Variants in PSD3 observed in about 807,000 individuals in gnomAD.
PSD3 encodes the protein pleckstrin and Sec7 domain containing 3.
Under a neutral mutation model 105.5 loss-of-function variants are expected in PSD3, and 49 were observed. The ratio of observed to expected loss-of-function variants is 0.46; its 90% CI spans 0.37 to 0.59. The LOEUF (loss-of-function observed/expected upper bound fraction) is 0.59. Among genes scored for constraint, PSD3 ranks in the 20% least tolerant of loss-of-function variants. PSD3 has a pLI of 0.00. For missense variants in PSD3, 1,561 were observed against 1,263.8 expected, an observed-to-expected ratio of 1.24 and a Z score of -3.57; for synonymous variants, 557 against 457.8, an observed-to-expected ratio of 1.22 and a Z score of -2.77.
intron 10 of PSD3, among the ~76,000 whole-genome samples, chr8:18,650,124 G>A (rs986400266): frequency 1.3e-5 from 2 of 152,244 alleles, no homozygotes; most frequent in Admixed American, 1.3e-4. Flanking sequence ...GGATGAAAGA[G>A]AGGAACATTA....
At chr8:18,818,589 A>G (rs1316081109) in intron 4 of PSD3, among the ~76,000 whole-genome samples, 1 of 152,118 alleles carries the variant, frequency 6.6e-6, no homozygotes, top group Non-Finnish European at 1.5e-5. Context: ...AGATTCAGTT[A>G]TTGGGCACAA....
intron 8 of PSD3, chr8:18,799,002 A>G: frequency 3.3e-6 from 1 of 306,284 alleles, no homozygotes. Flanking sequence ...CAACCAGAAA[A>G]CAAAAATAAG....
intron 1 of PSD3, among the ~76,000 whole-genome samples, chr8:19,040,426 G>A (rs943101603): frequency 3.3e-5 from 5 of 152,002 alleles, no homozygotes; most frequent in Non-Finnish European, 5.9e-5. Context: ...GGCTGGTCTC[G>A]AACTCCTGCG....
At chr8:19,003,334 G>A (rs1022077914) in intron 1 of PSD3, among the ~76,000 whole-genome samples, 4 of 151,748 alleles carry the variant, frequency 2.6e-5, no homozygotes, top group Non-Finnish European at 5.9e-5. Context: ...TGGCGCCTGG[G>A]AGTAGTCACT....
At chr8:18,750,585 T>C (rs977332784) in intron 9 of PSD3, among the ~76,000 whole-genome samples, 1 of 151,770 alleles carries the variant, frequency 6.6e-6, no homozygotes, top group African/African-American at 2.4e-5. Flanking sequence ...GGGACCCGAG[T>C]GGGTTGCCAC....
intron 1 of PSD3, among the ~76,000 whole-genome samples, chr8:18,966,202 A>G (rs903113544): frequency 1.3e-5 from 2 of 152,170 alleles, no homozygotes; most frequent in Non-Finnish European, 2.9e-5. Context: ...GCAGCTGTAT[A>G]CCACATACAT....
chr8:18,575,323 C>A, intron 12 of PSD3, 38 bp from the exon 13 acceptor site: 7 of 1,492,590 alleles, frequency 4.7e-6, no homozygotes, highest in South Asian at 4.2e-5. Context: ...GCAAAAATCA[C>A]GATCAGATTT....
chr8:18,863,752 C>G (rs529988690), intron 4 of PSD3, among the ~76,000 whole-genome samples: 1 of 151,768 alleles, frequency 6.6e-6, no homozygotes, highest in Non-Finnish European at 1.5e-5. Context: ...CAAATAGACA[C>G]GCACTCAAAA....
At chr8:19,031,656 T>C (rs1442881746) in intron 1 of PSD3, among the ~76,000 whole-genome samples, 1 of 152,118 alleles carries the variant, frequency 6.6e-6, no homozygotes, top group Admixed American at 6.6e-5. Flanking sequence ...AGGATGCAAA[T>C]CCATTAACAA....
intron 2 of PSD3, among the ~76,000 whole-genome samples, chr8:18,874,701 T>TTA (rs1408865407): frequency 1.9e-4 from 11 of 58,758 alleles, no homozygotes; most frequent in African/African-American, 9.8e-4. Context: ...AGACTCCATC[T>TTA]CAAAAAAAAA....
chr8:18,642,493 G>C lies in PSD3; in HGVS notation c.2217-9687C>G, dbSNP rs570285922. ...TTCCTCATCAAACATCAAGCACTTA[G>C]CAATTGATATAGAGGATATAAGATT... On this transcript the variant is annotated intron_variant, in intron 10 of 15. Transcript: ENST00000327040. Among the ~76,000 whole-genome samples the C allele has an allele frequency of 2.6e-5, 4 of 152,046 alleles. No homozygotes were observed. The South Asian group carries it at 6.2e-4, about 24-fold the overall frequency.
intron 12 of PSD3, among the ~76,000 whole-genome samples, chr8:18,592,951 A>G (rs1234919942): frequency 6.6e-6 from 1 of 152,200 alleles, no homozygotes. Flanking sequence ...TCCCTTCCTT[A>G]CACCTTATAC....
At chr8:18,653,235 C>G (rs1353942450) in intron 10 of PSD3, among the ~76,000 whole-genome samples, 1 of 152,054 alleles carries the variant, frequency 6.6e-6, no homozygotes, top group Non-Finnish European at 1.5e-5. Context: ...ATCATTTCAT[C>G]CAATTCCTTC....
intron 4 of PSD3, among the ~76,000 whole-genome samples, chr8:18,827,956 T>C (rs1375198426): frequency 1.4e-5 from 2 of 148,144 alleles, no homozygotes; most frequent in African/African-American, 2.5e-5. Context: ...CAAAAGCTAG[T>C]ATTTCACAAC....
intron 1 of PSD3, among the ~76,000 whole-genome samples, chr8:19,067,856 G>T (rs1396372129): frequency 3.9e-5 from 6 of 152,322 alleles, no homozygotes; most frequent in African/African-American, 1.2e-4. Flanking sequence ...TTGGAGGAAT[G>T]TTCCTGGCAT....
intron 12 of PSD3, among the ~76,000 whole-genome samples, chr8:18,594,088 C>A (rs28731379): frequency 0.74 from 54,206 of 73,430 alleles, 21,433 homozygotes; most frequent in Middle Eastern, 0.9. Context: ...CAAACCTGCA[C>A]GTTGTGCATA....
intron 1 of PSD3, among the ~76,000 whole-genome samples, chr8:18,973,206 C>T (rs564520002): frequency 6.6e-6 from 1 of 152,092 alleles, no homozygotes; most frequent in Non-Finnish European, 1.5e-5. Flanking sequence ...AGTATTGAGA[C>T]AAGGGTGACA....
intron 1 of PSD3, among the ~76,000 whole-genome samples, chr8:19,079,213 C>T (rs1414670487): frequency 1.3e-5 from 2 of 152,152 alleles, no homozygotes; most frequent in East Asian, 1.9e-4. Context: ...GAAACCCATT[C>T]TGCTATCTCA....
intron 12 of PSD3, among the ~76,000 whole-genome samples, chr8:18,586,470 T>G (rs1018648579): frequency 2.0e-5 from 3 of 152,166 alleles, no homozygotes; most frequent in Admixed American, 1.3e-4. Flanking sequence ...TGAGAAGTCT[T>G]GATGAAAGGC....
Sources: gnomAD v4.1 joint callset for allele counts (sites outside exome capture counted in the v4.1 genomes callset) on GRCh38, gnomAD v4.1.1 for gene constraint, MANE v1.5 for transcripts, NCBI Gene and HGNC (gene_info 2026-07-23, HGNC 2026-07-21) for gene names.